The following UBTD1 variants were observed in gnomAD, a reference collection of about 807,000 sequenced individuals.
The protein encoded by UBTD1 is ubiquitin domain-containing protein 1.
Under a neutral mutation model 21.7 loss-of-function variants are expected in UBTD1, and 19 were observed. The ratio of observed to expected loss-of-function variants is 0.87; its 90% CI spans 0.61 to 1.28. The LOEUF is 1.28. UBTD1 is among the 50% of genes most tolerant of loss of function. The pLI, the probability that UBTD1 is intolerant of heterozygous loss-of-function variation, is 0.00. For missense variants in UBTD1, 282 were observed against 315.1 expected (o/e 0.89, Z 0.80); for synonymous variants, 116 against 135.1 (o/e 0.86, Z 0.98).
intron 1 of UBTD1, among the ~76,000 whole-genome samples, chr10:97,520,857 C>T (rs2040464171): frequency 6.6e-6 from 1 of 152,124 alleles, no homozygotes; most frequent in South Asian, 2.1e-4. Context: ...AGAGAGAGGC[C>T]GTGTCCAGGA....
chr10:97,514,184 A>G (rs2040433720), intron 1 of UBTD1, among the ~76,000 whole-genome samples: 1 of 152,080 alleles, frequency 6.6e-6, no homozygotes, highest in East Asian at 1.9e-4. Context: ...AACATCTGTG[A>G]GCAGGCAGGA....
chr10:97,514,013 T>G (rs989258335), intron 1 of UBTD1, among the ~76,000 whole-genome samples: 8 of 147,126 alleles, frequency 5.4e-5, no homozygotes, highest in African/African-American at 2.1e-4. Flanking sequence ...TTTTCTTTCT[T>G]TCTTTTTTTT....
intron 1 of UBTD1, among the ~76,000 whole-genome samples, chr10:97,535,243 A>G (rs1211574711): frequency 6.6e-6 from 1 of 152,224 alleles, no homozygotes; most frequent in Non-Finnish European, 1.5e-5. Flanking sequence ...GCTAGTTCCC[A>G]TATGCTGATA....
chr10:97,547,337 A>G (rs2040615784), intron 1 of UBTD1, among the ~76,000 whole-genome samples: 1 of 149,496 alleles, frequency 6.7e-6, no homozygotes, highest in Non-Finnish European at 1.5e-5. Flanking sequence ...AGCCAGATAC[A>G]GGAGACCTTT....
chr10:97,528,385 G>T (rs1260469274), intron 1 of UBTD1, among the ~76,000 whole-genome samples: 1 of 95,168 alleles, frequency 1.1e-5, no homozygotes, highest in Admixed American at 9.4e-5. Flanking sequence ...CAGGGCGGCT[G>T]GCCGGGCGGG....
chr10:97,552,198 C>T (rs149971058), intron 1 of UBTD1, among the ~76,000 whole-genome samples: 72 of 144,638 alleles, frequency 5.0e-4, no homozygotes, highest in African/African-American at 1.6e-3. Flanking sequence ...GACCCCATCT[C>T]TAAAAAAAAA....
chr10:97,508,150 TGAA>T (rs1281385116), intron 1 of UBTD1, among the ~76,000 whole-genome samples: 2 of 152,186 alleles, frequency 1.3e-5, no homozygotes, highest in African/African-American at 2.4e-5. Context: ...TTTTCACAGA[TGAA>T]GAAGCTGAGC....
chr10:97,563,258 C>T (rs935774232), intron 1 of UBTD1, among the ~76,000 whole-genome samples: 2 of 152,110 alleles, frequency 1.3e-5, no homozygotes, highest in African/African-American at 2.4e-5. Context: ...GCTTGGTTGG[C>T]GAGTTTTTGG....
At position 97,570,647 on chromosome 10, in the gene UBTD1, T is replaced by C. The variant is rs2040743460; in HGVS notation, c.*124T>C. On this transcript the variant is annotated 3_prime_UTR_variant, in exon 3 of 3. Transcript: ENST00000370664. This position sits in a 1 kb window ranked among gnomAD's most constrained non-coding sequence, Gnocchi z 6.6. ...CTCGGTGTGGCTGGTGGGTGAGCCG[T>C]GAAGGGACCCTGCCTTTCAGGGCAC... 6 of 1,251,572 alleles carry C rather than the reference T, an allele frequency of 4.8e-6. No homozygotes were observed. Among genetic ancestry groups the C allele is most frequent in the Admixed American group, 2.6e-5 (1 of 39,114 alleles). The allele number at this position is 1,251,572 out of a possible 1,614,324, so 77.5% of individuals were successfully genotyped here.
chr10:97,564,776 C>T (rs2135688725), intron 1 of UBTD1, among the ~76,000 whole-genome samples: 1 of 152,302 alleles, frequency 6.6e-6, no homozygotes, highest in Middle Eastern at 3.4e-3. Flanking sequence ...GTTGGCCCAG[C>T]TGGTCTCGAA....
Position 97,521,051 on chromosome 10 carries a change from G to A in UBTD1, c.70+21778G>A, listed in dbSNP as rs946461331. 2.6e-5 allele frequency among the ~76,000 whole-genome samples: 4 copies of A among 152,172 alleles called. No homozygotes were observed. In the South Asian group the frequency reaches 6.2e-4, roughly 24 times the overall value. Reference sequence around the variant, plus strand: ...AGGAGGGAGATCTGCTGGGGAAGCCGGGCCACAGACTGAGGCCCTGGGCCT... The same window carrying A: ...AGGAGGGAGATCTGCTGGGGAAGCCAGGCCACAGACTGAGGCCCTGGGCCT... On this transcript the variant is annotated intron_variant, in intron 1 of 2. Coordinates refer to ENST00000370664, the MANE Select transcript of UBTD1 (RefSeq NM_024954.5).
chr10:97,559,122 G>A (rs910613406), intron 1 of UBTD1, among the ~76,000 whole-genome samples: 8 of 152,234 alleles, frequency 5.3e-5, no homozygotes, highest in Non-Finnish European at 4.4e-5. Flanking sequence ...TGAGAGACAC[G>A]AAGTGAACTT....
chr10:97,536,008 T>TTATTC (rs1200462477), intron 1 of UBTD1, among the ~76,000 whole-genome samples: 406 of 19,514 alleles, frequency 0.021, 1 homozygote, highest in Middle Eastern at 0.067. Flanking sequence ...TATTATTATT[T>TTATTC]CGAGACAGAA....
intron 1 of UBTD1, among the ~76,000 whole-genome samples, chr10:97,541,012 G>A (rs1436320454): frequency 6.6e-6 from 1 of 152,150 alleles, no homozygotes; most frequent in Non-Finnish European, 1.5e-5. Context: ...TTGCTGCCCT[G>A]GGGAGTTGGT....
At chr10:97,500,477 C>T (rs1044580552) in intron 1 of UBTD1, among the ~76,000 whole-genome samples, 3 of 152,228 alleles carry the variant, frequency 2.0e-5, no homozygotes, top group African/African-American at 7.2e-5. Context: ...ATTCTCTTGT[C>T]TGAAGGTAAC....
chr10:97,511,871 G>T (rs1272448463), intron 1 of UBTD1, among the ~76,000 whole-genome samples: 2 of 152,176 alleles, frequency 1.3e-5, no homozygotes, highest in East Asian at 3.8e-4. Flanking sequence ...ACCCTGTAAG[G>T]GCAGGCCTAA....
rs138806680 is a variant in UBTD1 at position 97,553,050 on chromosome 10, C to T, written c.71-14864C>T. On this transcript the variant is annotated intron_variant, in intron 1 of 2. Coordinates refer to ENST00000370664, the MANE Select transcript of UBTD1 (RefSeq NM_024954.5). ...TAAGTTTCTCAGTACCTCGCAGAGGCGTGCACCAATTTGTGCAGCATATGA... is the reference window on the plus strand; with the variant it reads ...TAAGTTTCTCAGTACCTCGCAGAGGTGTGCACCAATTTGTGCAGCATATGA... Among the ~76,000 whole-genome samples the T allele has an allele frequency of 2.7e-3, 405 of 152,382 alleles. 2 individuals are homozygous for T. The highest frequency in any genetic ancestry group is 8.8e-3 in the African/African-American group (368 of 41,592).
intron 1 of UBTD1, among the ~76,000 whole-genome samples, chr10:97,504,372 TATG>T (rs2040390076): frequency 6.6e-6 from 1 of 152,208 alleles, no homozygotes; most frequent in South Asian, 2.1e-4. Flanking sequence ...GTCTACAAGA[TATG>T]ATATGATTTT....
intron 1 of UBTD1, among the ~76,000 whole-genome samples, chr10:97,527,171 CAAAAAAAAAAAA>C (rs34756643): frequency 3.0e-5 from 2 of 66,720 alleles, no homozygotes; most frequent in South Asian, 6.8e-4. Context: ...CTCTTGTCTC[CAAAAAAAAAAAA>C]AAAAAAAAAA....
Sources: allele counts gnomAD v4.1 joint callset (sites outside exome capture counted in the v4.1 genomes callset), GRCh38; gene constraint gnomAD v4.1.1; non-coding constraint Gnocchi (gnomAD v3.1); transcripts MANE v1.5; gene names NCBI Gene and HGNC (gene_info 2026-07-23, HGNC 2026-07-21).